SP110: variants seen among roughly 807,000 people sequenced by gnomAD.
SP110 encodes the protein interferon-induced protein 41, 30kD.
SP110 carries 62 observed loss-of-function variants against 92.7 expected under a neutral mutation model. The ratio of observed to expected loss-of-function variants is 0.67; its 90% CI spans 0.55 to 0.83. The LOEUF (loss-of-function observed/expected upper bound fraction) is 0.83. Ranked by LOEUF, SP110 falls within the 40% of genes least tolerant of loss-of-function variation. The pLI is 0.00. For missense variants in SP110, 793 were observed against 863.9 expected, an observed-to-expected ratio of 0.92 and a Z score of 1.03; for synonymous variants, 273 against 305.3, an observed-to-expected ratio of 0.89 and a Z score of 1.10.
At chr2:230,216,657 A>G (rs2045212778) in intron 2 of SP110, 124 bp downstream of exon 2, 5 of 1,174,126 alleles carry the variant, frequency 4.3e-6, no homozygotes, top group Non-Finnish European at 6.4e-6. Flanking sequence ...CTTCTGTGAT[A>G]ATGAACATGC....
At chr2:230,173,126 A>G (rs2078494167) in intron 14 of SP110, 167 bp from the exon 15 acceptor site, 3 of 623,162 alleles carry the variant, frequency 4.8e-6, no homozygotes, top group Admixed American at 2.1e-5. Context: ...TTGCAAGACA[A>G]ATGGCACAAC....
At position 230,172,880 on chromosome 2, in the gene SP110, T is replaced by C; in HGVS notation, c.1670A>G (p.His557Arg). The C allele has an allele frequency of 1.2e-6, 2 of 1,614,008 alleles. No individual in the cohort carries two copies. Among genetic ancestry groups the C allele is most frequent in the Non-Finnish European group, 1.7e-6 (2 of 1,179,852 alleles). ...LCCGTCPRVF[H>R]EDCHIPPVEA... is the part of the protein sequence containing the mutation. ...CACAGGGGGGATGTGACAGTCCTCA[T>C]GGAAGACTCGTGGACAAGTACCGCA... The change falls in exon 15 of 19, where the codon CAT becomes CGT. Residue 557 changes from histidine (H) to arginine (R), a missense_variant. Transcript: ENST00000258381.
rs200559722 is a variant in SP110, at chr2:230,172,890, G to C, written c.1660C>G (p.Arg554Gly). The stretch of plus-strand genomic sequence containing the variant: ...ATGTGACAGTCCTCATGGAAGACTC[G>C]TGGACAAGTACCGCAGCAGAGAAGT... Reference protein sequence around the residue: ...GQLLCCGTCPRVFHEDCHIPP... With the variant: ...GQLLCCGTCPGVFHEDCHIPP... Residue 554 changes from arginine to glycine, a missense_variant, in exon 15 of 19, where the codon CGA becomes GGA. Arg to Gly is a moderately radical substitution (Grantham distance 125). Transcript: ENST00000258381. The C allele has an allele frequency of 1.3e-5, 21 of 1,614,002 alleles. No homozygotes were observed. Among genetic ancestry groups the C allele is most frequent in the Non-Finnish European group, 1.7e-5 (20 of 1,179,970 alleles).
chr2:230,174,394 C>T (rs2041755889), intron 14 of SP110, among the ~76,000 whole-genome samples: 1 of 152,186 alleles, frequency 6.6e-6, no homozygotes, highest in Non-Finnish European at 1.5e-5. Flanking sequence ...GAATGGGGCC[C>T]CTTCTAACAA....
At chr2:230,197,192 T>C (rs2042917359) in intron 10 of SP110, among the ~76,000 whole-genome samples, 1 of 151,738 alleles carries the variant, frequency 6.6e-6, no homozygotes, top group Non-Finnish European at 1.5e-5. Flanking sequence ...CTCCACATCC[T>C]CTCCAGCACC....
chr2:230,186,861 A>G (rs1269706763), intron 10 of SP110, among the ~76,000 whole-genome samples: 1 of 152,190 alleles, frequency 6.6e-6, no homozygotes, highest in African/African-American at 2.4e-5. Flanking sequence ...TGAGTAATAC[A>G]CCATGGTGTA....
Position 230,219,878 on chromosome 2 carries a change from A to G in SP110, c.-6T>C. On this transcript the variant is annotated 5_prime_UTR_variant, in exon 1 of 19. Coordinates refer to ENST00000258381, the MANE Select transcript of SP110 (RefSeq NM_080424.4). ...GCAGCAAAGACAGAAACTCACCTGG[A>G]CTTTGAGTTTGTCGTTCCTGCCCCT... 2.0e-6 allele frequency: 2 copies of G among 977,846 alleles called. No individual in the cohort carries two copies. Among genetic ancestry groups the G allele is most frequent in the African/African-American group, 3.5e-5 (2 of 57,230 alleles). The allele number at this position is 977,846 out of a possible 1,614,324, so 60.6% of individuals were successfully genotyped here.
intron 17 of SP110, chr2:230,171,462 G>A: frequency 1.8e-6 from 1 of 566,870 alleles, no homozygotes; most frequent in South Asian, 2.0e-5. Flanking sequence ...AGATACACAG[G>A]AGGAGAAGCA....
intron 7 of SP110, among the ~76,000 whole-genome samples, chr2:230,208,974 A>G (rs1359221313): frequency 3.3e-5 from 5 of 152,210 alleles, no homozygotes; most frequent in Non-Finnish European, 5.9e-5. Context: ...GCTTGGAAGG[A>G]GGAAAGGCCA....
chr2:230,178,144 C>G lies in SP110; in HGVS notation c.1447+13G>C. Reference sequence around the variant, plus strand: ...TCTAGGGATTCCAAAGAGCAGAAGACCAAGGAACTCACCGTGTTTCATTTT... The same window carrying G: ...TCTAGGGATTCCAAAGAGCAGAAGAGCAAGGAACTCACCGTGTTTCATTTT... On this transcript the variant is annotated intron_variant, in intron 13 of 18. Transcript: ENST00000258381. 6.5e-7 allele frequency: 1 copy of G among 1,534,448 alleles called. No homozygotes were observed. The highest frequency in any genetic ancestry group is 1.1e-5 in the South Asian group (1 of 88,932).
At chr2:230,186,234 A>G (rs1271041069) in intron 10 of SP110, 91 bp from the exon 11 acceptor site, 23 of 1,231,160 alleles carry the variant, frequency 1.9e-5, no homozygotes, top group Non-Finnish European at 2.3e-5. Flanking sequence ...CCATTTCTCT[A>G]TAATTCTCTC....
At chr2:230,212,503 C>T (rs2044604381) in intron 4 of SP110, 73 bp from the exon 5 acceptor site, 1 of 1,264,882 alleles carries the variant, frequency 7.9e-7, no homozygotes, top group Non-Finnish European at 1.2e-6. Context: ...GTTAAAAGTG[C>T]CTGGGGCAGA....
chr2:230,178,156 C>G lies in SP110; in HGVS notation c.1447+1G>C, dbSNP rs2041952386. On this transcript the variant is annotated splice_donor_variant, in intron 13 of 18. Coordinates refer to ENST00000258381, the MANE Select transcript of SP110 (RefSeq NM_080424.4). LOFTEE classifies it high-confidence loss of function. The stretch of plus-strand genomic sequence containing the variant: ...AAAGAGCAGAAGACCAAGGAACTCA[C>G]CGTGTTTCATTTTCTTCTTATATAA... 1 of 1,586,482 alleles carries G rather than the reference C, an allele frequency of 6.3e-7. No individual in the cohort carries two copies. The highest frequency in any genetic ancestry group is 1.7e-5 in the Admixed American group (1 of 59,942).
At chr2:230,187,746 G>A (rs2042422548) in intron 10 of SP110, among the ~76,000 whole-genome samples, 1 of 152,084 alleles carries the variant, frequency 6.6e-6, no homozygotes, top group African/African-American at 2.4e-5. Context: ...TATTAAATAT[G>A]GTGTCATTTC....
chr2:230,189,890 T>C (rs1281106648), intron 10 of SP110, among the ~76,000 whole-genome samples: 4 of 152,232 alleles, frequency 2.6e-5, no homozygotes, highest in Admixed American at 1.3e-4. Context: ...TTTTTATGGC[T>C]GCATAGTGTT....
chr2:230,176,868 T>C (rs1021852299), intron 14 of SP110: 1 of 810,780 alleles, frequency 1.2e-6, no homozygotes. Context: ...AAAAATTAGC[T>C]CCCTCCCCCA....
Position 230,183,597 on chromosome 2 carries a change from T to C in SP110, c.1323A>G (p.Arg441=). The change falls in exon 12 of 19, where the codon AGA becomes AGG. Residue 441 remains arginine (R), a synonymous_variant. Coordinates refer to ENST00000258381, the MANE Select transcript of SP110 (RefSeq NM_080424.4). ...EKDICSSSKR[R]FQKNIHRRGK... Reference sequence around the variant, plus strand: ...CTCTTCGGTGAATATTTTTCTGAAATCTCCTTTTTGAGCTTGAACAGATAT... The same window carrying C: ...CTCTTCGGTGAATATTTTTCTGAAACCTCCTTTTTGAGCTTGAACAGATAT... The C allele has an allele frequency of 6.2e-7, 1 of 1,609,990 alleles. No homozygotes were observed. Among genetic ancestry groups the C allele is most frequent in the Non-Finnish European group, 8.5e-7 (1 of 1,176,192 alleles).
intron 10 of SP110, among the ~76,000 whole-genome samples, chr2:230,194,022 G>A (rs547105510): frequency 9.9e-5 from 15 of 152,276 alleles, no homozygotes; most frequent in African/African-American, 3.6e-4. Context: ...CTCCAGCCTA[G>A]GGAGGCAGTG....
chr2:230,169,077 T>C lies in SP110; in HGVS notation c.*47A>G, dbSNP rs201093816. ...ATCAACAGTCCAAGCCAGGGTCCCATCAGCTGAATCCTGAGGTGGGGATGC... is the reference window on the plus strand; with the variant it reads ...ATCAACAGTCCAAGCCAGGGTCCCACCAGCTGAATCCTGAGGTGGGGATGC... On this transcript the variant is annotated 3_prime_UTR_variant, in exon 19 of 19. Transcript: ENST00000258381. 34 of 1,264,540 alleles carry C rather than the reference T, an allele frequency of 2.7e-5. No individual in the cohort carries two copies. Among genetic ancestry groups the C allele is most frequent in the Non-Finnish European group, 3.4e-5 (29 of 861,682 alleles). The allele number at this position is 1,264,540 out of a possible 1,614,324, so 78.3% of individuals were successfully genotyped here.
Sources: gnomAD v4.1 joint callset for allele counts (sites outside exome capture counted in the v4.1 genomes callset) on GRCh38, gnomAD v4.1.1 for gene constraint, MANE v1.5 for transcripts, NCBI Gene and HGNC (gene_info 2026-07-23, HGNC 2026-07-21) for gene names.